Variants in RNASEH2B observed in about 807,000 individuals in gnomAD.
RNASEH2B encodes the protein Aicardi-Goutieres syndrome 2 protein.
A neutral mutation model predicts 45.0 loss-of-function variants in RNASEH2B; 36 were observed. The observed-to-expected ratio is 0.80, with a 90% CI of 0.61 to 1.06. RNASEH2B has a LOEUF of 1.06. Among genes scored for constraint, RNASEH2B ranks in the 50% least tolerant of loss-of-function variants. The pLI is 0.00. For synonymous variants in RNASEH2B, 119 were observed against 125.7 expected, an observed-to-expected ratio of 0.95 and a Z score of 0.35; for missense variants, 361 against 360.3, an observed-to-expected ratio of 1.00 and a Z score of -0.02.
intron 5 of RNASEH2B, chr13:50,935,983 A>G (rs1339925956): frequency 6.6e-6 from 1 of 152,134 alleles, no homozygotes; most frequent in African/African-American, 2.4e-5. Flanking sequence ...CCATTTAGAG[A>G]TGGACCCAAC....
chr13:50,925,104 T>C (rs1246932416), intron 1 of RNASEH2B, among the ~76,000 whole-genome samples: 6 of 152,188 alleles, frequency 3.9e-5, no homozygotes, highest in South Asian at 2.1e-4. Flanking sequence ...TTTCTCTGTG[T>C]TCCCATTTTA....
At chr13:50,943,879 T>C (rs1348013570) in intron 6 of RNASEH2B, among the ~76,000 whole-genome samples, 1 of 152,174 alleles carries the variant, frequency 6.6e-6, no homozygotes, top group East Asian at 1.9e-4. Context: ...CCCTGTATCT[T>C]AGTGATTCTA....
At chr13:50,947,197 C>T (rs1408199628) in intron 7 of RNASEH2B, among the ~76,000 whole-genome samples, 1 of 152,070 alleles carries the variant, frequency 6.6e-6, no homozygotes. Context: ...TGATTATCTG[C>T]TTGTATTCTA....
chr13:50,960,053 C>A, downstream of RNASEH2B: 2 of 443,354 alleles, frequency 4.5e-6, no homozygotes, highest in South Asian at 1.2e-4. Context: ...CACTAATGTT[C>A]GGTTCTTCAT....
At chr13:50,936,676 C>T (rs533443033) in intron 5 of RNASEH2B, 2 of 152,306 alleles carry the variant, frequency 1.3e-5, no homozygotes, top group East Asian at 3.9e-4. Flanking sequence ...TAATTTTTGT[C>T]AACTTAATGC....
intron 5 of RNASEH2B, chr13:50,937,265 A>G (rs9535533): frequency 0.22 from 33,357 of 152,016 alleles, 4,286 homozygotes; most frequent in African/African-American, 0.36. Flanking sequence ...TCTGTTGCCC[A>G]GGATGGAATG....
chr13:50,954,974 G>C (rs1487459295), intron 10 of RNASEH2B: 1 of 152,124 alleles, frequency 6.6e-6, no homozygotes, highest in Non-Finnish European at 1.5e-5. Flanking sequence ...CCTGTCGCTT[G>C]CCTGTTTTTA....
intron 10 of RNASEH2B, chr13:50,954,791 T>C (rs1766008457): frequency 6.6e-6 from 1 of 152,228 alleles, no homozygotes; most frequent in Admixed American, 6.5e-5. Flanking sequence ...TGGAGAAAGT[T>C]GTGCTTCCAA....
At chr13:50,937,853 A>G (rs1951776437) in intron 5 of RNASEH2B, 2 of 152,230 alleles carry the variant, frequency 1.3e-5, no homozygotes, top group African/African-American at 4.8e-5. Context: ...ATTGTAAAAG[A>G]CTGAACACAA....
At chr13:50,920,072 C>T (rs1014328101) in intron 1 of RNASEH2B, among the ~76,000 whole-genome samples, 6 of 151,966 alleles carry the variant, frequency 3.9e-5, no homozygotes, top group African/African-American at 7.3e-5. Context: ...CTTGCTCTGT[C>T]GCCCAGGCTG....
intron 5 of RNASEH2B, chr13:50,943,097 T>C: frequency 2.2e-6 from 1 of 457,524 alleles, no homozygotes; most frequent in Non-Finnish European, 3.9e-6. Flanking sequence ...ATTTGAAGGT[T>C]TTCTTAAATT....
chr13:50,944,766 A>T (rs1951879991), intron 6 of RNASEH2B, among the ~76,000 whole-genome samples: 1 of 152,206 alleles, frequency 6.6e-6, no homozygotes, highest in Non-Finnish European at 1.5e-5. Flanking sequence ...AAAGATTTAG[A>T]GTGCCATGTT....
At chr13:50,928,721 T>G (rs1951634898) in intron 2 of RNASEH2B, among the ~76,000 whole-genome samples, 1 of 152,178 alleles carries the variant, frequency 6.6e-6, no homozygotes, top group African/African-American at 2.4e-5. Context: ...AGGTTCAGTA[T>G]TGTCTCCATT....
intron 2 of RNASEH2B, among the ~76,000 whole-genome samples, chr13:50,927,754 T>C (rs891860453): frequency 5.3e-5 from 8 of 152,194 alleles, no homozygotes; most frequent in African/African-American, 1.9e-4. Context: ...TGAGTTCTCT[T>C]TAAAAACAGA....
At chr13:50,910,210 C>A in intron 1 of RNASEH2B, 70 bp downstream of exon 1, 1 of 1,152,566 alleles carries the variant, frequency 8.7e-7, no homozygotes, top group Non-Finnish European at 1.1e-6. Flanking sequence ...CCCGGGCGCG[C>A]CGCCCCCCAC....
chr13:50,956,885 T>G (rs1465201189), downstream of RNASEH2B: 1 of 422,914 alleles, frequency 2.4e-6, no homozygotes, highest in Non-Finnish European at 3.2e-6. Flanking sequence ...TTAAAAAGGC[T>G]TTAGTTTTTG....
Position 50,955,567 on chromosome 13 carries a change from T to C in RNASEH2B, c.823-791T>C, listed in dbSNP as rs1392935181. On this transcript the variant is annotated intron_variant, in intron 10 of 10. Coordinates refer to ENST00000336617, the MANE Select transcript of RNASEH2B (RefSeq NM_024570.4). ...AAGTGACAGAATGTGAAAAGCAGAA[T>C]TGTGGGAATCATATACTGTGCCTCT... 3 of 152,346 alleles carry C rather than the reference T, an allele frequency of 2.0e-5. No homozygotes were observed. In the East Asian group the frequency reaches 5.8e-4, roughly 29 times the overall value. The allele number at this position is 152,346 out of a possible 1,614,324, so 9.4% of individuals were successfully genotyped here. A position where few individuals can be genotyped will look rare whatever the true frequency, so the allele number is the denominator to read the frequency against.
chr13:50,934,540 T>TGTGTGGGACTCCAGTGC, intron 4 of RNASEH2B: 1 of 338,088 alleles, frequency 3.0e-6, no homozygotes, highest in East Asian at 7.3e-5. Context: ...CAGCTGGTTC[T>TGTGTGGGACTCCAGTGC]TCAAATTGAA....
chr13:50,929,282 G>A (rs1209928746), intron 2 of RNASEH2B, among the ~76,000 whole-genome samples, 193 bp from the exon 3 acceptor site: 1 of 152,198 alleles, frequency 6.6e-6, no homozygotes, highest in Non-Finnish European at 1.5e-5. Flanking sequence ...TGAGGATTAT[G>A]GAGCTGGAAA....
Sources: gnomAD v4.1 joint callset for allele counts (sites outside exome capture counted in the v4.1 genomes callset) on GRCh38, gnomAD v4.1.1 for gene constraint, MANE v1.5 for transcripts, NCBI Gene and HGNC (gene_info 2026-07-23, HGNC 2026-07-21) for gene names.